The following WDFY4 variants were observed in gnomAD, a reference collection of about 807,000 sequenced individuals.
WDFY4 encodes the protein WDFY family member 4.
Under a neutral mutation model 351.9 loss-of-function variants are expected in WDFY4, and 169 were observed. The observed-to-expected ratio is 0.48, with a 90% confidence interval of 0.42 to 0.55. The LOEUF is 0.55. Among genes scored for constraint, WDFY4 ranks in the 20% least tolerant of loss-of-function variants. WDFY4 has a pLI of 0.00. For missense variants in WDFY4, 3,803 were observed against 3,935.6 expected, an observed-to-expected ratio of 0.97 and a Z score of 0.90; for synonymous variants, 1,622 against 1,574.6, an observed-to-expected ratio of 1.03 and a Z score of -0.71.
intron 48 of WDFY4, among the ~76,000 whole-genome samples, 184 bp from the exon 49 acceptor site, chr10:48,943,146 C>A (rs1158382732): frequency 1.3e-5 from 2 of 151,930 alleles, no homozygotes; most frequent in Admixed American, 6.5e-5. Context: ...AATATACTTG[C>A]CTCCGTTCAT....
At chr10:48,930,286 T>C (rs2671706) in intron 47 of WDFY4, among the ~76,000 whole-genome samples, 139,051 of 152,204 alleles carry the variant, frequency 0.91, 64,468 homozygotes, top group East Asian at 1. Flanking sequence ...AATATGAATA[T>C]GTTTTAAGGG....
At chr10:48,896,260 T>G (rs1056116177) in intron 44 of WDFY4, among the ~76,000 whole-genome samples, 1 of 152,248 alleles carries the variant, frequency 6.6e-6, no homozygotes, top group Non-Finnish European at 1.5e-5. Context: ...TTAGCATGGA[T>G]GCTGGGAGCA....
At chr10:48,723,157 C>T (rs2064148392) in intron 4 of WDFY4, among the ~76,000 whole-genome samples, 1 of 147,536 alleles carries the variant, frequency 6.8e-6, no homozygotes, top group African/African-American at 2.5e-5. Flanking sequence ...CTCCCTCCCT[C>T]CCTCTCTCCC....
intron 38 of WDFY4, 63 bp from the exon 39 acceptor site, chr10:48,832,510 T>C: frequency 6.9e-7 from 1 of 1,450,094 alleles, no homozygotes; most frequent in Non-Finnish European, 9.2e-7. Flanking sequence ...AAAGCCAAGC[T>C]AGCTATAAAA....
intron 5 of WDFY4, among the ~76,000 whole-genome samples, chr10:48,725,487 G>C (rs2064238666): frequency 6.6e-6 from 1 of 152,218 alleles, no homozygotes; most frequent in African/African-American, 2.4e-5. Context: ...TCATGGAGAA[G>C]TAGAGTCTGA....
At chr10:48,971,822 A>G (rs1037556608) in intron 57 of WDFY4, among the ~76,000 whole-genome samples, 1 of 152,146 alleles carries the variant, frequency 6.6e-6, no homozygotes, top group African/African-American at 2.4e-5. Context: ...GACCTTCACC[A>G]ACTGCTGTTG....
chr10:48,931,364 G>A (rs1239333618), intron 47 of WDFY4, among the ~76,000 whole-genome samples: 1 of 152,176 alleles, frequency 6.6e-6, no homozygotes, highest in African/African-American at 2.4e-5. Flanking sequence ...GGTGGCCACT[G>A]AGAGTGGGGG....
At chr10:48,818,025 G>A (rs545472979) in intron 32 of WDFY4, among the ~76,000 whole-genome samples, 1 of 152,344 alleles carries the variant, frequency 6.6e-6, no homozygotes, top group South Asian at 2.1e-4. Flanking sequence ...GCTTGGCTGG[G>A]TCAGGGCCGT....
chr10:48,897,936 G>A (rs758409129), intron 45 of WDFY4, among the ~76,000 whole-genome samples: 1 of 152,222 alleles, frequency 6.6e-6, no homozygotes, highest in Non-Finnish European at 1.5e-5. Flanking sequence ...ATAACTGGGA[G>A]TAGAGTGCCT....
chr10:48,891,095 C>T (rs1264772493), intron 44 of WDFY4, among the ~76,000 whole-genome samples: 1 of 152,210 alleles, frequency 6.6e-6, no homozygotes, highest in Non-Finnish European at 1.5e-5. Flanking sequence ...CCCTCTCTTC[C>T]GAGGGACTTA....
chr10:48,823,818 G>A, intron 35 of WDFY4: 1 of 988,252 alleles, frequency 1.0e-6, no homozygotes, highest in East Asian at 1.1e-4. Context: ...CTTGCTTGCT[G>A]TCTGTGATGC....
intron 47 of WDFY4, chr10:48,910,180 C>T: frequency 6.9e-7 from 1 of 1,452,658 alleles, no homozygotes; most frequent in South Asian, 1.1e-5. Flanking sequence ...GGCTTCTCCT[C>T]TTCAGAGTCG....
At chr10:48,905,974 T>G (rs1449862833) in intron 47 of WDFY4, among the ~76,000 whole-genome samples, 1 of 152,208 alleles carries the variant, frequency 6.6e-6, no homozygotes, top group Non-Finnish European at 1.5e-5. Context: ...AGCCCAATTG[T>G]GGCTTCAGGA....
In WDFY4 at chr10:48,913,858, A is replaced by G; in HGVS notation, c.7586+11995A>G. Reference sequence around the variant, plus strand: ...AGCCGGTTGTTGCTGACGTTGAGGTAGAGCAGGCTGGTCATCTGGCCAATG... The same window carrying G: ...AGCCGGTTGTTGCTGACGTTGAGGTGGAGCAGGCTGGTCATCTGGCCAATG... On this transcript the variant is annotated intron_variant, in intron 47 of 61. Transcript: ENST00000325239. 1.9e-6 allele frequency: 3 copies of G among 1,614,110 alleles called. No individual in the cohort carries two copies. The highest frequency in any genetic ancestry group is 2.5e-6 in the Non-Finnish European group (3 of 1,180,006).
intron 47 of WDFY4, among the ~76,000 whole-genome samples, chr10:48,915,069 G>A (rs888911337): frequency 6.6e-6 from 1 of 152,188 alleles, no homozygotes; most frequent in Non-Finnish European, 1.5e-5. Context: ...TAGAAGTCCA[G>A]CTCTACTCTA....
At chr10:48,876,465 G>A (rs1250809546) in intron 42 of WDFY4, among the ~76,000 whole-genome samples, 1 of 152,094 alleles carries the variant, frequency 6.6e-6, no homozygotes, top group Non-Finnish European at 1.5e-5. Flanking sequence ...AACCAAGATG[G>A]GACAACATTT....
intron 57 of WDFY4, among the ~76,000 whole-genome samples, chr10:48,972,855 G>A (rs1232386987): frequency 5.3e-5 from 8 of 152,116 alleles, no homozygotes; most frequent in East Asian, 1.9e-4. Context: ...TTTTGCTATC[G>A]TTTTTTGCTA....
intron 13 of WDFY4, among the ~76,000 whole-genome samples, chr10:48,766,012 T>C (rs2065657928): frequency 1.3e-5 from 2 of 152,226 alleles, no homozygotes; most frequent in Non-Finnish European, 2.9e-5. Flanking sequence ...GAACTAATTG[T>C]ATGAGTTTCA....
intron 36 of WDFY4, among the ~76,000 whole-genome samples, chr10:48,827,881 A>C (rs2068057645): frequency 7.4e-6 from 1 of 134,728 alleles, no homozygotes; most frequent in African/African-American, 3.3e-5. Context: ...ATGTGGTTTA[A>C]TTTGGGGAAG....
Sources: gnomAD v4.1 joint callset for allele counts (sites outside exome capture counted in the v4.1 genomes callset) on GRCh38, gnomAD v4.1.1 for gene constraint, MANE v1.5 for transcripts, NCBI Gene and HGNC (gene_info 2026-07-23, HGNC 2026-07-21) for gene names.